ANKFN1: variants seen among roughly 807,000 people sequenced by gnomAD.
ANKFN1 encodes ankyrin repeat and fibronectin type III domain containing 1, also known as ankyrin repeat and fibronectin type-III domain-containing protein 1.
Under a neutral mutation model 108.7 loss-of-function variants are expected in ANKFN1, and 74 were observed. The ratio of observed to expected loss-of-function variants is 0.68; its 90% CI spans 0.56 to 0.83. The LOEUF is 0.83. ANKFN1 is among the 40% of genes least tolerant of loss of function. The probability of loss-of-function intolerance (pLI) is 0.00; values close to 1 mark genes in which losing one functional copy is unlikely to be tolerated. For synonymous variants in ANKFN1, 547 were observed against 516.2 expected, an observed-to-expected ratio of 1.06 and a Z score of -0.81; for missense variants, 1,505 against 1,382.3, an observed-to-expected ratio of 1.09 and a Z score of -1.41.
intron 3 of ANKFN1, among the ~76,000 whole-genome samples, chr17:56,277,578 A>C (rs942609134): frequency 1.3e-5 from 2 of 152,094 alleles, no homozygotes; most frequent in Non-Finnish European, 2.9e-5. Context: ...CCCATTACAG[A>C]GGATGTCATT....
intron 1 of ANKFN1, among the ~76,000 whole-genome samples, chr17:56,160,788 T>TTGGAG (rs1909584325): frequency 6.6e-6 from 1 of 152,234 alleles, no homozygotes. Context: ...TGGTAGAGAC[T>TTGGAG]GCTGCCAAAG....
intron 4 of ANKFN1, among the ~76,000 whole-genome samples, chr17:56,049,268 A>C (rs1199269566): frequency 2.0e-5 from 3 of 152,270 alleles, no homozygotes; most frequent in Non-Finnish European, 4.4e-5. Context: ...GCAAAGGCCA[A>C]GAATGCCCAG....
chr17:56,252,620 T>A (rs1208462501), intron 3 of ANKFN1, among the ~76,000 whole-genome samples: 2 of 150,732 alleles, frequency 1.3e-5, no homozygotes, highest in Non-Finnish European at 3.0e-5. Flanking sequence ...CACAAGTAAT[T>A]TTTTAAAATT....
chr17:56,054,647 C>T (rs528543542), intron 4 of ANKFN1, among the ~76,000 whole-genome samples: 1 of 152,298 alleles, frequency 6.6e-6, no homozygotes, highest in Non-Finnish European at 1.5e-5. Flanking sequence ...CATGGTGGCT[C>T]ACACCTGTAA....
chr17:56,279,414 A>G (rs2044013800), intron 3 of ANKFN1, among the ~76,000 whole-genome samples: 1 of 152,212 alleles, frequency 6.6e-6, no homozygotes, highest in Admixed American at 6.5e-5. Context: ...ATTATCAGAT[A>G]TTCTGTGTTT....
chr17:56,253,281 G>A (rs536703918), intron 3 of ANKFN1, among the ~76,000 whole-genome samples: 1 of 152,274 alleles, frequency 6.6e-6, no homozygotes, highest in African/African-American at 2.4e-5. Context: ...ACTCTCAGAA[G>A]AAATACAACT....
intron 4 of ANKFN1, among the ~76,000 whole-genome samples, chr17:56,341,022 C>G (rs1359625842): frequency 2.6e-5 from 4 of 152,020 alleles, no homozygotes; most frequent in East Asian, 1.9e-4. Context: ...CTTTCACCCC[C>G]CTAGTTAGCA....
chr17:56,259,470 A>T (rs937756105), intron 3 of ANKFN1, among the ~76,000 whole-genome samples: 2 of 152,160 alleles, frequency 1.3e-5, no homozygotes, highest in African/African-American at 2.4e-5. Flanking sequence ...TGACTTCAGG[A>T]GCCCAATTTT....
chr17:56,047,540 C>T (rs1465888113), intron 4 of ANKFN1, among the ~76,000 whole-genome samples: 3 of 152,034 alleles, frequency 2.0e-5, no homozygotes, highest in Non-Finnish European at 4.4e-5. Flanking sequence ...GAGTCAGGGC[C>T]CCAGCTCCCA....
At chr17:56,094,589 C>T (rs1905488391) in intron 4 of ANKFN1, among the ~76,000 whole-genome samples, 1 of 145,504 alleles carries the variant, frequency 6.9e-6, no homozygotes, top group East Asian at 2.0e-4. Flanking sequence ...CTGCAACCTC[C>T]GCCTCCTGGG....
At position 56,095,792 on chromosome 17, in the gene ANKFN1, G is replaced by A. The variant is rs547536437; in HGVS notation, c.288+49467G>A. On this transcript the variant is annotated intron_variant, in intron 4 of 12. Coordinates refer to the ANKFN1 transcript ENST00000635860. Reference sequence around the variant, plus strand: ...GTCTGTGACTCACAGGAGTGTCCACGATGGAAGCAGAAATCCAAAATGCAG... The same window carrying A: ...GTCTGTGACTCACAGGAGTGTCCACAATGGAAGCAGAAATCCAAAATGCAG... Among the ~76,000 whole-genome samples the A allele has an allele frequency of 5.3e-5, 8 of 152,326 alleles. No individual in the cohort carries two copies. The East Asian group carries it at 7.7e-4, about 15-fold the overall frequency.
At chr17:56,360,877 TATC>T (rs1430145166) in intron 6 of ANKFN1, among the ~76,000 whole-genome samples, 1 of 152,146 alleles carries the variant, frequency 6.6e-6, no homozygotes, top group Non-Finnish European at 1.5e-5. Context: ...GTGTAAAGAT[TATC>T]ATAATCAAAC....
At chr17:56,377,960 G>A (rs1461346689) in intron 8 of ANKFN1, among the ~76,000 whole-genome samples, 1 of 152,116 alleles carries the variant, frequency 6.6e-6, no homozygotes, top group Non-Finnish European at 1.5e-5. Flanking sequence ...GTTCTGGGTG[G>A]TATCCTTGCC....
chr17:56,274,626 C>T (rs1324673987), intron 3 of ANKFN1, among the ~76,000 whole-genome samples: 1 of 152,156 alleles, frequency 6.6e-6, no homozygotes, highest in Non-Finnish European at 1.5e-5. Flanking sequence ...GGGCTCCCAT[C>T]TGTCTCACCC....
At chr17:56,125,435 T>C (rs1047567491) in intron 4 of ANKFN1, among the ~76,000 whole-genome samples, 1 of 152,186 alleles carries the variant, frequency 6.6e-6, no homozygotes, top group Non-Finnish European at 1.5e-5. Context: ...GAAGACTCCC[T>C]GAAGGTCTCA....
At chr17:56,509,451 G>T (rs1354959118) in intron 20 of ANKFN1, among the ~76,000 whole-genome samples, 1 of 152,154 alleles carries the variant, frequency 6.6e-6, no homozygotes, top group Non-Finnish European at 1.5e-5. Context: ...TAATGACCCA[G>T]CTAAGCCAGG....
intron 4 of ANKFN1, among the ~76,000 whole-genome samples, chr17:56,113,689 A>G (rs1906102931): frequency 6.6e-6 from 1 of 152,232 alleles, no homozygotes; most frequent in Non-Finnish European, 1.5e-5. Context: ...GAAAATAAAC[A>G]TTGGGCTCTA....
intron 2 of ANKFN1, among the ~76,000 whole-genome samples, chr17:56,214,459 T>C (rs1598251956): frequency 6.6e-6 from 1 of 152,190 alleles, no homozygotes; most frequent in Non-Finnish European, 1.5e-5. Context: ...GATAGTTACA[T>C]CTCTGAGATT....
At chr17:56,046,580 G>A (rs999639177) in intron 4 of ANKFN1, among the ~76,000 whole-genome samples, 2 of 152,094 alleles carry the variant, frequency 1.3e-5, no homozygotes, top group Non-Finnish European at 2.9e-5. Flanking sequence ...CTTTAAAGTG[G>A]GCTGCATGGC....
Sources: gnomAD v4.1 joint callset for allele counts (sites outside exome capture counted in the v4.1 genomes callset) on GRCh38, gnomAD v4.1.1 for gene constraint, MANE v1.5 for transcripts, NCBI Gene and HGNC (gene_info 2026-07-23, HGNC 2026-07-21) for gene names.